Variants in CEP97 observed in about 807,000 individuals in gnomAD.
The protein encoded by CEP97 is centrosomal protein of 97 kDa.
Under a neutral mutation model 73.1 loss-of-function variants are expected in CEP97, and 43 were observed. The ratio of observed to expected loss-of-function variants is 0.59; its 90% confidence interval spans 0.46 to 0.76. The LOEUF (loss-of-function observed/expected upper bound fraction) is 0.76, where lower values mean the gene tolerates loss of function less well. Among genes scored for constraint, CEP97 ranks in the 30% least tolerant of loss-of-function variants. CEP97 has a pLI of 0.00. For synonymous variants in CEP97, 337 were observed against 370.0 expected, an observed-to-expected ratio of 0.91 and a Z score of 1.02; for missense variants, 939 against 1,014.0, an observed-to-expected ratio of 0.93 and a Z score of 1.00.
At chr3:101,748,978 C>G (rs1193149716) in intron 6 of CEP97, among the ~76,000 whole-genome samples, 1 of 152,116 alleles carries the variant, frequency 6.6e-6, no homozygotes, top group African/African-American at 2.4e-5. Flanking sequence ...ATTAAATAAA[C>G]TAAACTTTTT....
chr3:101,742,545 C>T (rs559293487), intron 6 of CEP97, among the ~76,000 whole-genome samples: 20 of 152,058 alleles, frequency 1.3e-4, no homozygotes, highest in Admixed American at 9.8e-4. Context: ...ACAATGAGAA[C>T]ACATAGACAC....
At chr3:101,759,707 G>A (rs1939117362) in intron 9 of CEP97, among the ~76,000 whole-genome samples, 1 of 152,180 alleles carries the variant, frequency 6.6e-6, no homozygotes, top group African/African-American at 2.4e-5. Flanking sequence ...AATGTACAGT[G>A]TTTGAACATC....
At chr3:101,749,704 G>A (rs1166393939) in intron 6 of CEP97, among the ~76,000 whole-genome samples, 71 of 147,178 alleles carry the variant, frequency 4.8e-4, no homozygotes, top group African/African-American at 1.7e-3. Flanking sequence ...GTGTGAGGTG[G>A]TATCTCATTG....
At position 101,757,844 on chromosome 3, in the gene CEP97, C is replaced by A. The variant is rs1939056230; in HGVS notation, c.1238C>A (p.Ser413Tyr). Residue 413 changes from serine (S) to tyrosine (Y), a missense_variant, in exon 9 of 11, where the codon TCT becomes TAT. By Grantham distance (144) the Ser-to-Tyr change is moderately radical. Transcript: ENST00000341893. ...STFMPVASGL[S>Y]PLSPTVELRL... is the part of the protein sequence containing the mutation. ...TTTATGCCAGTTGCATCAGGACTGT[C>A]TCCACTATCACCTACAGTTGAGCTG... 1 of 1,614,226 alleles carries A rather than the reference C, an allele frequency of 6.2e-7. No homozygotes were observed. Among genetic ancestry groups the A allele is most frequent in the Non-Finnish European group, 8.5e-7 (1 of 1,180,042 alleles).
At chr3:101,746,551 G>A (rs796920212) in intron 6 of CEP97, among the ~76,000 whole-genome samples, 2 of 150,066 alleles carry the variant, frequency 1.3e-5, no homozygotes, top group East Asian at 3.9e-4. Context: ...AGACTTAAAC[G>A]TTAGACCTAA....
chr3:101,735,959 G>C (rs1379190046), intron 6 of CEP97, among the ~76,000 whole-genome samples: 1 of 152,150 alleles, frequency 6.6e-6, no homozygotes, highest in Non-Finnish European at 1.5e-5. Context: ...TGAAATTCTT[G>C]CTGCCAGTAC....
intron 6 of CEP97, among the ~76,000 whole-genome samples, chr3:101,740,692 C>T (rs573575531): frequency 6.6e-5 from 10 of 151,980 alleles, no homozygotes; most frequent in African/African-American, 1.9e-4. Flanking sequence ...TGGGTTCAAG[C>T]GATTCTCCTG....
chr3:101,761,349 A>G (rs904281832), intron 9 of CEP97, among the ~76,000 whole-genome samples: 7 of 152,192 alleles, frequency 4.6e-5, no homozygotes, highest in Non-Finnish European at 7.3e-5. Flanking sequence ...GATTTGGTCT[A>G]GGGTGAGACT....
chr3:101,752,363 A>G (rs1015404292), intron 6 of CEP97, among the ~76,000 whole-genome samples: 2 of 151,992 alleles, frequency 1.3e-5, no homozygotes, highest in African/African-American at 4.8e-5. Context: ...GAATCTGACA[A>G]TTATGTGTCT....
At chr3:101,737,762 C>T (rs944701454) in intron 6 of CEP97, among the ~76,000 whole-genome samples, 2 of 152,124 alleles carry the variant, frequency 1.3e-5, no homozygotes, top group Non-Finnish European at 2.9e-5. Context: ...ATCATCAACA[C>T]TACGAAGAAA....
At chr3:101,734,984 TAA>T (rs1938228137) in intron 6 of CEP97, among the ~76,000 whole-genome samples, 1 of 152,226 alleles carries the variant, frequency 6.6e-6, no homozygotes, top group African/African-American at 2.4e-5. Flanking sequence ...TTTCTGAGGC[TAA>T]GTTTCCTCAT....
At chr3:101,755,389 T>G in intron 6 of CEP97, 41 bp from the exon 7 acceptor site, 3 of 1,582,706 alleles carry the variant, frequency 1.9e-6, no homozygotes, top group Non-Finnish European at 2.6e-6. Context: ...GTGTTGACTA[T>G]TCTCATGCCA....
At chr3:101,753,210 A>T (rs1035120206) in intron 6 of CEP97, among the ~76,000 whole-genome samples, 4 of 152,112 alleles carry the variant, frequency 2.6e-5, no homozygotes, top group Middle Eastern at 3.4e-3. Flanking sequence ...AGAACAACAG[A>T]TTTTCGTGAA....
At chr3:101,725,380 T>A (rs1028589885) in intron 1 of CEP97, among the ~76,000 whole-genome samples, 1 of 152,120 alleles carries the variant, frequency 6.6e-6, no homozygotes, top group Non-Finnish European at 1.5e-5. Flanking sequence ...TGGTTACAGC[T>A]CCGAGGCTTG....
intron 6 of CEP97, among the ~76,000 whole-genome samples, chr3:101,742,335 C>A (rs1266718752): frequency 6.6e-6 from 1 of 152,112 alleles, no homozygotes; most frequent in African/African-American, 2.4e-5. Flanking sequence ...GGAACCAATC[C>A]AAATGCCCAT....
intron 6 of CEP97, among the ~76,000 whole-genome samples, chr3:101,739,255 G>A (rs967883873): frequency 1.3e-5 from 2 of 152,152 alleles, no homozygotes; most frequent in Admixed American, 1.3e-4. Context: ...AGAGGAGCTG[G>A]TACTATTCCT....
In CEP97 at chr3:101,762,454, T is replaced by C. The variant is rs187308795; in HGVS notation, c.1818-31T>C. The C allele has an allele frequency of 4.1e-6, 6 of 1,456,854 alleles. No homozygotes were observed. In the East Asian group the frequency reaches 1.4e-4, roughly 34 times the overall value. 90.2% of individuals were successfully genotyped at this position (1,456,854 alleles called of 1,614,324 possible). A position where few individuals can be genotyped will look rare whatever the true frequency, so the allele number is the denominator to read the frequency against. On this transcript the variant is annotated intron_variant, in intron 9 of 10. Transcript: ENST00000341893. ...AAGTCTGAGTCAAAGCACCCTTCCT[T>C]ATGTCAATAATGTGTTTTGAATTAT... is the stretch of plus-strand genomic sequence containing the variant.
intron 6 of CEP97, among the ~76,000 whole-genome samples, chr3:101,744,078 C>T (rs181912721): frequency 2.9e-4 from 44 of 151,166 alleles, no homozygotes; most frequent in Admixed American, 1.9e-3. Flanking sequence ...CTCTAGGGGA[C>T]GATAAATGGT....
intron 6 of CEP97, among the ~76,000 whole-genome samples, chr3:101,748,383 G>C (rs1938693236): frequency 6.6e-6 from 1 of 151,942 alleles, no homozygotes; most frequent in South Asian, 2.1e-4. Flanking sequence ...TAAACTGTGG[G>C]ATATTCAAAC....
Sources: gnomAD v4.1 joint callset for allele counts (sites outside exome capture counted in the v4.1 genomes callset) on GRCh38, gnomAD v4.1.1 for gene constraint, MANE v1.5 for transcripts, NCBI Gene and HGNC (gene_info 2026-07-23, HGNC 2026-07-21) for gene names.